The following PTTG1IP2 variants were observed in gnomAD, a reference collection of about 807,000 sequenced individuals.
PTTG1IP2 encodes PTTG1IP family member 2.
chr7:90,470,736 GT>G (rs1365554596), intron 1 of PTTG1IP2, among the ~76,000 whole-genome samples: 1 of 152,022 alleles, frequency 6.6e-6, no homozygotes, highest in Admixed American at 6.5e-5. Flanking sequence ...GTTTTCTTTG[GT>G]TTCATCTTTC....
At position 90,491,868 on chromosome 7, in the gene PTTG1IP2, C is replaced by G. The variant is rs187675861; in HGVS notation, c.381-371C>G. ...GCATAAGACCAGGTGCAGTGGTTCA[C>G]GCCTATAATCCTAACATTTTGGGAG... On this transcript the variant is annotated intron_variant, in intron 4 of 6. Transcript: ENST00000509356. 2.0e-4 allele frequency among the ~76,000 whole-genome samples: 30 copies of G among 152,232 alleles called. No individual in the cohort carries two copies. In the South Asian group the frequency reaches 3.1e-3, roughly 16 times the overall value.
At chr7:90,509,606 G>T (rs1363781146) in intron 6 of PTTG1IP2, among the ~76,000 whole-genome samples, 3 of 152,160 alleles carry the variant, frequency 2.0e-5, no homozygotes, top group African/African-American at 7.2e-5. Context: ...TGGAGCTGGG[G>T]ATATTTGCGC....
intron 1 of PTTG1IP2, among the ~76,000 whole-genome samples, chr7:90,478,369 A>G (rs1322227658): frequency 1.3e-5 from 2 of 152,106 alleles, no homozygotes; most frequent in Non-Finnish European, 2.9e-5. Context: ...TTTACCATTC[A>G]CCTTGCCTTT....
chr7:90,513,276 A>C lies in PTTG1IP2; in HGVS notation c.*51-2A>C, dbSNP rs2116144044. On this transcript the variant is annotated splice_acceptor_variant, in intron 6 of 6. Transcript: ENST00000509356. LOFTEE classifies it low-confidence loss of function (3UTR_SPLICE). ...ATAATGAATGTGTCTTTTTTCTTTC[A>C]GGCTTCCTTCAGGATTTTAATCATC... is the stretch of plus-strand genomic sequence containing the variant. 1 of 152,702 alleles carries C rather than the reference A, an allele frequency of 6.5e-6. No homozygotes were observed. Among genetic ancestry groups the C allele is most frequent in the Admixed American group, 6.5e-5 (1 of 15,288 alleles). The allele number at this position is 152,702 out of a possible 1,614,324, so 9.5% of individuals were successfully genotyped here. A position where few individuals can be genotyped will look rare whatever the true frequency, so the allele number is the denominator to read the frequency against.
intron 6 of PTTG1IP2, among the ~76,000 whole-genome samples, chr7:90,495,237 A>C (rs1056209439): frequency 6.6e-6 from 1 of 152,228 alleles, no homozygotes; most frequent in South Asian, 2.1e-4. Flanking sequence ...ATGAGATTTT[A>C]CAGCTAAAAT....
chr7:90,501,315 A>G (rs1407940660), intron 6 of PTTG1IP2, among the ~76,000 whole-genome samples: 3 of 152,218 alleles, frequency 2.0e-5, no homozygotes, highest in African/African-American at 4.8e-5. Context: ...TGTTTACGCT[A>G]TACTGTAGTC....
At chr7:90,508,162 G>A (rs1340644705) in intron 6 of PTTG1IP2, among the ~76,000 whole-genome samples, 1 of 151,804 alleles carries the variant, frequency 6.6e-6, no homozygotes, top group East Asian at 1.9e-4. Context: ...AGTGACTTGG[G>A]GGGCTGAGGT....
chr7:90,488,940 G>C lies in PTTG1IP2; in HGVS notation c.356G>C (p.Cys119Ser), dbSNP rs375444051. ...VLITGFVWYC[C>S]AYHFYLQDLN... is the part of the protein sequence containing the mutation. ...ATTACAGGATTCGTTTGGTACTGCTGCGCCTATCACTTTTACCTGCAGGAG... is the reference window on the plus strand; with the variant it reads ...ATTACAGGATTCGTTTGGTACTGCTCCGCCTATCACTTTTACCTGCAGGAG... The change falls in exon 4 of 7, where the codon TGC (cysteine) becomes TCC (serine). Residue 119 changes from cysteine to serine, a missense_variant. Cys to Ser is a moderately radical substitution (Grantham distance 112). Transcript: ENST00000509356. 4.0e-5 allele frequency: 6 copies of C among 151,760 alleles called. No individual in the cohort carries two copies. In the East Asian group the frequency reaches 9.6e-4, roughly 24 times the overall value. The allele number at this position is 151,760 out of a possible 1,614,324, so 9.4% of individuals were successfully genotyped here.
At position 90,484,790 on chromosome 7, in the gene PTTG1IP2, C is replaced by T. The variant is rs184712840; in HGVS notation, c.193-2537C>T. 2.4e-3 allele frequency among the ~76,000 whole-genome samples: 358 copies of T among 152,278 alleles called. 2 individuals are homozygous for T. The highest frequency in any genetic ancestry group is 3.4e-3 in the Non-Finnish European group (234 of 68,018). On this transcript the variant is annotated intron_variant, in intron 2 of 6. Transcript: ENST00000509356. ...CCAGGTGTGGCCTTGCCTTCTTGCA[C>T]AACTGAACCAAAGGATGTCTTTCTC... is the stretch of plus-strand genomic sequence containing the variant.
chr7:90,492,986 C>T (rs990378397), intron 5 of PTTG1IP2, among the ~76,000 whole-genome samples: 1 of 152,192 alleles, frequency 6.6e-6, no homozygotes, highest in Non-Finnish European at 1.5e-5. Context: ...CACTCCCAAT[C>T]CTCTACCCAG....
intron 1 of PTTG1IP2, among the ~76,000 whole-genome samples, chr7:90,473,226 G>C (rs1487016447): frequency 6.6e-6 from 1 of 152,166 alleles, no homozygotes; most frequent in African/African-American, 2.4e-5. Flanking sequence ...TAGTGGGTGG[G>C]GTACAGACAA....
chr7:90,473,104 A>G (rs1797709282), intron 1 of PTTG1IP2, among the ~76,000 whole-genome samples: 1 of 152,254 alleles, frequency 6.6e-6, no homozygotes, highest in Admixed American at 6.5e-5. Context: ...ACAGTAGGTA[A>G]TAGTAGCAGG....
intron 6 of PTTG1IP2, among the ~76,000 whole-genome samples, chr7:90,497,828 G>C (rs1017365585): frequency 7.5e-5 from 11 of 146,448 alleles, no homozygotes; most frequent in Admixed American, 5.6e-4. Flanking sequence ...ATGTCCATTT[G>C]TCCAAAGTGT....
intron 6 of PTTG1IP2, among the ~76,000 whole-genome samples, chr7:90,509,203 G>A (rs1234419294): frequency 6.6e-6 from 1 of 151,526 alleles, no homozygotes; most frequent in East Asian, 1.9e-4. Flanking sequence ...ATGGGGAAGT[G>A]GGTTGGGTGG....
At chr7:90,493,685 C>T (rs1255572258) in intron 5 of PTTG1IP2, among the ~76,000 whole-genome samples, 2 of 152,050 alleles carry the variant, frequency 1.3e-5, no homozygotes, top group Non-Finnish European at 2.9e-5. Context: ...AATGGGAATG[C>T]CTACATTAAA....
intron 2 of PTTG1IP2, among the ~76,000 whole-genome samples, 174 bp from the exon 3 acceptor site, chr7:90,487,153 G>T (rs1239684407): frequency 6.6e-6 from 1 of 152,134 alleles, no homozygotes; most frequent in Non-Finnish European, 1.5e-5. Flanking sequence ...GCTGAGGTTT[G>T]GATGCATGGG....
At chr7:90,477,958 G>A (rs1244888859) in intron 1 of PTTG1IP2, among the ~76,000 whole-genome samples, 2 of 151,868 alleles carry the variant, frequency 1.3e-5, no homozygotes, top group South Asian at 2.1e-4. Context: ...TTAGCCGGGC[G>A]TGGTGGCAGG....
At position 90,497,713 on chromosome 7, in the gene PTTG1IP2, T is replaced by TAAAAAAAAAAAAAA. The variant is rs1491565834; in HGVS notation, c.*50+3284_*50+3285insAAAAAAAAAAAAAA. 1.2e-3 allele frequency among the ~76,000 whole-genome samples: 60 copies of TAAAAAAAAAAAAAA among 49,598 alleles called. 14 individuals carry two copies. The highest frequency in any genetic ancestry group is 2.5e-3 in the African/African-American group (25 of 9,826). The allele number at this position is 49,598 out of a possible 152,430, so 32.5% of individuals were successfully genotyped here. ...GCCTGAGCGACAGAGAAAGACCCTGTATAAAAAAAAAAAAAAAAAAAAAAA... is the reference window on the plus strand; with the variant it reads ...GCCTGAGCGACAGAGAAAGACCCTGTAAAAAAAAAAAAAAATAAAAAAAAAAAAAAAAAAAAAAA... On this transcript the variant is annotated intron_variant, in intron 6 of 6. Transcript: ENST00000509356.
At chr7:90,473,816 C>T (rs973659691) in intron 1 of PTTG1IP2, among the ~76,000 whole-genome samples, 2 of 152,188 alleles carry the variant, frequency 1.3e-5, no homozygotes, top group Admixed American at 6.5e-5. Context: ...GGACTCACCT[C>T]CCAGCTCTGT....
Sources: allele counts gnomAD v4.1 joint callset (sites outside exome capture counted in the v4.1 genomes callset), GRCh38; gene constraint gnomAD v4.1.1; transcripts MANE v1.5; gene names NCBI Gene and HGNC (gene_info 2026-07-23, HGNC 2026-07-21).